ASIC2: variants seen among roughly 807,000 people sequenced by gnomAD.
ASIC2 encodes acid-sensing ion channel 2.
In ASIC2, 25 loss-of-function variants were observed where a neutral mutation model predicts 57.3. That is an observed-to-expected ratio of 0.44 (90% confidence interval 0.32 to 0.61). ASIC2 has a LOEUF of 0.61. Among genes scored for constraint, ASIC2 ranks in the 20% least tolerant of loss-of-function variants. The pLI is 0.06. For synonymous variants in ASIC2, 319 were observed against 307.5 expected (o/e 1.04, Z -0.39); for missense variants, 641 against 738.1 (o/e 0.87, Z 1.52).
intron 1 of ASIC2, chr17:34,038,479 G>T (rs1035824399): frequency 6.2e-7 from 1 of 1,611,934 alleles, no homozygotes; most frequent in Non-Finnish European, 8.5e-7. Flanking sequence ...TCACAGCTAC[G>T]TATCTTTGCT....
At chr17:34,149,663 G>A (rs573157517) in intron 1 of ASIC2, among the ~76,000 whole-genome samples, 3 of 152,098 alleles carry the variant, frequency 2.0e-5, no homozygotes, top group South Asian at 2.1e-4. Context: ...AGAAATATGC[G>A]ATTTGTAAAA....
At chr17:33,390,568 G>T (rs564074087) in intron 1 of ASIC2, among the ~76,000 whole-genome samples, 2 of 152,210 alleles carry the variant, frequency 1.3e-5, no homozygotes, top group South Asian at 4.2e-4. Context: ...CTCTCACAAG[G>T]CTGTAGAGTG....
chr17:33,980,170 G>C (rs1905559724), intron 1 of ASIC2, among the ~76,000 whole-genome samples: 1 of 152,110 alleles, frequency 6.6e-6, no homozygotes, highest in African/African-American at 2.4e-5. Flanking sequence ...TAAGCGGTTA[G>C]ATCCACAAAC....
intron 1 of ASIC2, among the ~76,000 whole-genome samples, chr17:33,314,263 CATG>C (rs1461101759): frequency 2.0e-5 from 3 of 152,194 alleles, no homozygotes; most frequent in African/African-American, 7.2e-5. Flanking sequence ...CTGTTTTTAA[CATG>C]ATACTATTAA....
chr17:34,056,729 C>A (rs1908779125), intron 1 of ASIC2, among the ~76,000 whole-genome samples: 1 of 152,204 alleles, frequency 6.6e-6, no homozygotes, highest in South Asian at 2.1e-4. Context: ...AATTTCAACT[C>A]CTCTACCAAA....
intron 1 of ASIC2, among the ~76,000 whole-genome samples, chr17:33,436,853 CTTTTTTTTT>C (rs71144877): frequency 7.2e-4 from 48 of 66,600 alleles, no homozygotes; most frequent in Admixed American, 2.1e-3. Flanking sequence ...ATTCCAACTT[CTTTTTTTTT>C]TTTTTTTTTT....
intron 1 of ASIC2, among the ~76,000 whole-genome samples, chr17:34,033,626 T>A (rs1303619623): frequency 6.6e-6 from 1 of 151,882 alleles, no homozygotes; most frequent in Non-Finnish European, 1.5e-5. Context: ...GCAAGACTAA[T>A]AAAGAAGAAA....
In ASIC2 at chr17:33,374,304, C is replaced by T. The variant is rs59363756; in HGVS notation, c.556-262237G>A. Among the ~76,000 whole-genome samples, 532 of 152,150 alleles carry T rather than the reference C, an allele frequency of 3.5e-3. 5 individuals carry two copies. The highest frequency in any genetic ancestry group is 0.012 in the African/African-American group (512 of 41,526). ...GAGCCACCGCACCCGACCCAATTGG[C>T]CTTTTGATTTTTAGACTTGCATTTT... On this transcript the variant is annotated intron_variant, in intron 1 of 9. Coordinates refer to the ASIC2 transcript ENST00000359872.
intron 1 of ASIC2, among the ~76,000 whole-genome samples, chr17:33,624,464 G>T (rs771729137): frequency 3.3e-5 from 5 of 152,242 alleles, no homozygotes; most frequent in Non-Finnish European, 5.9e-5. Context: ...AATTAGTGAT[G>T]TCCAGCTGGT....
intron 1 of ASIC2, among the ~76,000 whole-genome samples, chr17:33,600,816 G>A (rs1905102080): frequency 6.6e-6 from 1 of 152,154 alleles, no homozygotes; most frequent in African/African-American, 2.4e-5. Flanking sequence ...TAATCAGAAT[G>A]TTGGTAGAAA....
chr17:34,006,591 AT>A (rs1194304475), intron 1 of ASIC2: 1 of 151,916 alleles, frequency 6.6e-6, no homozygotes, highest in Non-Finnish European at 1.5e-5. Context: ...TTCTTAAGGT[AT>A]TTTCACTTAT....
intron 1 of ASIC2, among the ~76,000 whole-genome samples, chr17:33,674,256 G>A (rs911401484): frequency 3.3e-5 from 5 of 152,008 alleles, no homozygotes; most frequent in African/African-American, 7.3e-5. Context: ...CATTTCTCCC[G>A]ACAGTGGGGA....
At chr17:33,417,458 AAC>A (rs1910886863) in intron 1 of ASIC2, among the ~76,000 whole-genome samples, 1 of 152,218 alleles carries the variant, frequency 6.6e-6, no homozygotes, top group South Asian at 2.1e-4. Flanking sequence ...CTACCCGGGA[AAC>A]ACACAGAATA....
intron 1 of ASIC2, among the ~76,000 whole-genome samples, chr17:33,426,738 G>A (rs1003926952): frequency 1.1e-4 from 16 of 152,198 alleles, no homozygotes; most frequent in African/African-American, 3.4e-4. Context: ...GGCTCTGGGG[G>A]CAGGCAGCAA....
intron 1 of ASIC2, among the ~76,000 whole-genome samples, chr17:33,362,990 A>ATGACTTTGATAATAATTT (rs1908669218): frequency 6.6e-6 from 1 of 152,318 alleles, no homozygotes; most frequent in African/African-American, 2.4e-5. Context: ...AATCCTCTTA[A>ATGACTTTGATAATAATTT]TGACTTTGAT....
intron 1 of ASIC2, among the ~76,000 whole-genome samples, chr17:33,142,672 A>G (rs1904367425): frequency 6.6e-6 from 1 of 152,192 alleles, no homozygotes; most frequent in Non-Finnish European, 1.5e-5. Context: ...AGTCCACTTA[A>G]CTTTTCAGAC....
chr17:34,001,148 A>T (rs1034658143), intron 1 of ASIC2: 7 of 152,200 alleles, frequency 4.6e-5, no homozygotes, highest in African/African-American at 1.7e-4. Flanking sequence ...ATGAATATAC[A>T]TAATCCTTGT....
chr17:34,064,327 T>C (rs927924075), intron 1 of ASIC2, among the ~76,000 whole-genome samples: 3 of 152,160 alleles, frequency 2.0e-5, no homozygotes, highest in Non-Finnish European at 2.9e-5. Flanking sequence ...TAGCCACCTG[T>C]AGGAGAATGA....
intron 3 of ASIC2, among the ~76,000 whole-genome samples, chr17:33,059,534 C>T (rs577932302): frequency 3.9e-5 from 6 of 152,236 alleles, no homozygotes; most frequent in East Asian, 3.9e-4. Context: ...GTATATATGC[C>T]ACATTTTCTT....
Sources: allele counts gnomAD v4.1 joint callset (sites outside exome capture counted in the v4.1 genomes callset), GRCh38; gene constraint gnomAD v4.1.1; transcripts MANE v1.5; gene names NCBI Gene and HGNC (gene_info 2026-07-23, HGNC 2026-07-21).